SEMA3E: variants seen among roughly 807,000 people sequenced by gnomAD.
The protein encoded by SEMA3E is semaphorin 3E.
A neutral mutation model predicts 93.6 loss-of-function variants in SEMA3E; 49 were observed. The observed-to-expected ratio is 0.52, with a 90% CI of 0.42 to 0.66. The LOEUF is 0.66. SEMA3E is among the 30% of genes least tolerant of loss of function. The probability of loss-of-function intolerance (pLI) is 0.00; values close to 1 mark genes in which losing one functional copy is unlikely to be tolerated. For missense variants in SEMA3E, 906 were observed against 964.8 expected (o/e 0.94, Z 0.81); for synonymous variants, 363 against 330.7 (o/e 1.10, Z -1.06).
At chr7:83,477,991 GCT>G (rs1790054488) in intron 2 of SEMA3E, among the ~76,000 whole-genome samples, 1 of 151,848 alleles carries the variant, frequency 6.6e-6, no homozygotes, top group African/African-American at 2.4e-5. Flanking sequence ...CACAATCTCG[GCT>G]CACTGCAACC....
chr7:83,539,404 C>T (rs28500727), intron 1 of SEMA3E, among the ~76,000 whole-genome samples: 33,840 of 152,070 alleles, frequency 0.22, 3,946 homozygotes, highest in East Asian at 0.39. Context: ...GAGGCTGATG[C>T]TCCAATTACT....
chr7:83,561,843 A>T (rs1267917358), intron 1 of SEMA3E, among the ~76,000 whole-genome samples: 1 of 152,176 alleles, frequency 6.6e-6, no homozygotes, highest in Non-Finnish European at 1.5e-5. Flanking sequence ...CTTGAAAATC[A>T]GACTTTTTAG....
At chr7:83,576,956 T>A (rs565583126) in intron 1 of SEMA3E, among the ~76,000 whole-genome samples, 2 of 152,292 alleles carry the variant, frequency 1.3e-5, no homozygotes, top group South Asian at 4.1e-4. Flanking sequence ...TATCAATAAC[T>A]AAAATTCCAA....
At chr7:83,611,502 ATT>A (rs1793262617) in intron 1 of SEMA3E, among the ~76,000 whole-genome samples, 1 of 149,402 alleles carries the variant, frequency 6.7e-6, no homozygotes, top group Non-Finnish European at 1.5e-5. Context: ...GCTACCACTC[ATT>A]TCTCTTCATA....
At chr7:83,484,181 C>T (rs1466558556) in intron 2 of SEMA3E, among the ~76,000 whole-genome samples, 2 of 152,170 alleles carry the variant, frequency 1.3e-5, no homozygotes, top group African/African-American at 4.8e-5. Context: ...CTTTTTTACT[C>T]TAAACCCACA....
intron 16 of SEMA3E, among the ~76,000 whole-genome samples, chr7:83,380,215 C>T (rs528300503): frequency 6.6e-6 from 1 of 151,992 alleles, no homozygotes; most frequent in South Asian, 2.1e-4. Flanking sequence ...ATATGAAATC[C>T]ACTTAATATT....
intron 4 of SEMA3E, among the ~76,000 whole-genome samples, chr7:83,463,867 C>G (rs1246104239): frequency 6.6e-6 from 1 of 152,160 alleles, no homozygotes; most frequent in Non-Finnish European, 1.5e-5. Flanking sequence ...AGGATTTGCC[C>G]CACCCAGGAC....
At chr7:83,475,166 T>C (rs1789983906) in intron 2 of SEMA3E, among the ~76,000 whole-genome samples, 1 of 152,112 alleles carries the variant, frequency 6.6e-6, no homozygotes, top group African/African-American at 2.4e-5. Flanking sequence ...GGCTTCTTTT[T>C]ACAATATTAG....
chr7:83,608,998 C>G (rs1274604321), intron 1 of SEMA3E, among the ~76,000 whole-genome samples: 1 of 151,912 alleles, frequency 6.6e-6, no homozygotes, highest in Admixed American at 6.6e-5. Flanking sequence ...CTCTACGTAA[C>G]AAGAAATTGT....
intron 2 of SEMA3E, among the ~76,000 whole-genome samples, chr7:83,485,476 G>C (rs955732470): frequency 6.6e-6 from 1 of 152,002 alleles, no homozygotes; most frequent in African/African-American, 2.4e-5. Flanking sequence ...ATTCACTATG[G>C]TACTTCTACA....
chr7:83,492,325 C>T (rs1790403538), intron 1 of SEMA3E, among the ~76,000 whole-genome samples: 1 of 151,960 alleles, frequency 6.6e-6, no homozygotes, highest in African/African-American at 2.4e-5. Context: ...ATGACCTTGC[C>T]TGCTACCCAG....
chr7:83,589,979 T>A (rs1355833429), intron 1 of SEMA3E, among the ~76,000 whole-genome samples: 1 of 152,190 alleles, frequency 6.6e-6, no homozygotes, highest in Non-Finnish European at 1.5e-5. Context: ...CTTCCTCAGA[T>A]CAATATATCA....
chr7:83,551,866 C>T (rs1466792647), intron 1 of SEMA3E, among the ~76,000 whole-genome samples: 1 of 152,084 alleles, frequency 6.6e-6, no homozygotes, highest in Non-Finnish European at 1.5e-5. Context: ...CAATAGAAAG[C>T]TCCCAGATGT....
chr7:83,613,722 G>A (rs902104552), intron 1 of SEMA3E, among the ~76,000 whole-genome samples: 1 of 151,858 alleles, frequency 6.6e-6, no homozygotes, highest in African/African-American at 2.4e-5. Flanking sequence ...AGCACTTTGG[G>A]GATGATACAA....
chr7:83,486,509 C>T (rs1202059627), intron 2 of SEMA3E, among the ~76,000 whole-genome samples: 1 of 152,134 alleles, frequency 6.6e-6, no homozygotes, highest in Non-Finnish European at 1.5e-5. Flanking sequence ...AGACATATTA[C>T]ATCTTCAGAG....
At chr7:83,487,850 C>T (rs1337469104) in intron 2 of SEMA3E, among the ~76,000 whole-genome samples, 1 of 151,904 alleles carries the variant, frequency 6.6e-6, no homozygotes, top group Non-Finnish European at 1.5e-5. Context: ...GCAATATTTG[C>T]TTCTACTTTA....
In SEMA3E at chr7:83,365,219, T is replaced by C. The variant is rs1349365964; in HGVS notation, c.*2367A>G. 1 of 152,066 alleles carries C rather than the reference T, an allele frequency of 6.6e-6. No individual in the cohort carries two copies. Among genetic ancestry groups the C allele is most frequent in the Non-Finnish European group, 1.5e-5 (1 of 67,998 alleles). 9.4% of individuals were successfully genotyped at this position (152,066 alleles called of 1,614,324 possible). ...GGACATGAAACATATCCTTGGAAAC[T>C]GCTTTCTCTCTCCCTTCGTCTTTCT... On this transcript the variant is annotated 3_prime_UTR_variant, in exon 17 of 17. Coordinates refer to ENST00000643230, the MANE Select transcript of SEMA3E (RefSeq NM_012431.3).
chr7:83,411,043 A>C (rs1232189884), intron 5 of SEMA3E, among the ~76,000 whole-genome samples: 13 of 151,984 alleles, frequency 8.6e-5, no homozygotes, highest in Non-Finnish European at 1.9e-4. Context: ...ATAATTGAAA[A>C]TATTTTTATG....
Position 83,368,193 on chromosome 7 carries a change from ATCTC to A in SEMA3E, c.1876-159_1876-156del, listed in dbSNP as rs5885346. ...ATACACAAAAATGCTAAATAATTAC[ATCTC>A]TCTCTCTCTCTCTGTGTGTGTGTGT... On this transcript the variant is annotated intron_variant, in intron 16 of 16. Transcript: ENST00000643230. 0.14 allele frequency among the ~76,000 whole-genome samples: 21,038 copies of A among 147,620 alleles called. 1,513 individuals are homozygous for A. The highest frequency in any genetic ancestry group is 0.18 in the Middle Eastern group (52 of 290).
Sources: allele counts gnomAD v4.1 joint callset (sites outside exome capture counted in the v4.1 genomes callset), GRCh38; gene constraint gnomAD v4.1.1; transcripts MANE v1.5; gene names NCBI Gene and HGNC (gene_info 2026-07-23, HGNC 2026-07-21).